PIGN: variants seen among roughly 807,000 people sequenced by gnomAD.
PIGN encodes the protein GPI ethanolamine phosphate transferase 1.
Under a neutral mutation model 125.4 loss-of-function variants are expected in PIGN, and 117 were observed. The observed-to-expected ratio is 0.93, with a 90% CI of 0.80 to 1.09. The LOEUF is 1.09. PIGN is among the 50% of genes least tolerant of loss of function. The probability of loss-of-function intolerance (pLI) is 0.00; values close to 1 mark genes in which losing one functional copy is unlikely to be tolerated. For missense variants in PIGN, 1,075 were observed against 1,094.9 expected (o/e 0.98, Z 0.26); for synonymous variants, 392 against 377.8 (o/e 1.04, Z -0.44).
At chr18:62,117,200 G>T (rs76795556) in intron 14 of PIGN, among the ~76,000 whole-genome samples, 3 of 151,788 alleles carry the variant, frequency 2.0e-5, no homozygotes, top group Non-Finnish European at 4.4e-5. Context: ...CCAAATATAC[G>T]TTTTATTTTT....
chr18:62,134,675 T>C (rs972710381), intron 14 of PIGN, among the ~76,000 whole-genome samples: 2 of 152,212 alleles, frequency 1.3e-5, no homozygotes, highest in Non-Finnish European at 2.9e-5. Context: ...ATTTAAATAC[T>C]GTCCACTGAA....
intron 25 of PIGN, among the ~76,000 whole-genome samples, chr18:62,087,721 G>T (rs1211106701): frequency 2.0e-5 from 3 of 152,152 alleles, no homozygotes; most frequent in Non-Finnish European, 2.9e-5. Flanking sequence ...TCAGCTCAAA[G>T]AAAATGCCTC....
intron 28 of PIGN, among the ~76,000 whole-genome samples, chr18:62,078,643 G>A (rs145896725): frequency 6.6e-6 from 1 of 152,242 alleles, no homozygotes; most frequent in East Asian, 1.9e-4. Flanking sequence ...GAAGGATAGG[G>A]TTATCATTCC....
intron 6 of PIGN, among the ~76,000 whole-genome samples, chr18:62,156,321 T>A (rs1011348833): frequency 6.6e-6 from 1 of 152,162 alleles, no homozygotes; most frequent in Admixed American, 6.6e-5. Context: ...TATAACTATA[T>A]ATTTTAACAC....
At chr18:62,133,238 T>A (rs934567783) in intron 14 of PIGN, among the ~76,000 whole-genome samples, 1 of 152,220 alleles carries the variant, frequency 6.6e-6, no homozygotes, top group Non-Finnish European at 1.5e-5. Flanking sequence ...ATTTTGCACT[T>A]ACATTATTTG....
chr18:62,077,572 A>T (rs367701699), intron 28 of PIGN, among the ~76,000 whole-genome samples: 3 of 152,282 alleles, frequency 2.0e-5, no homozygotes, highest in South Asian at 4.1e-4. Flanking sequence ...CAGTTTCCTT[A>T]TCTATAAAAT....
intron 1 of PIGN, among the ~76,000 whole-genome samples, chr18:62,173,237 G>A (rs923065437): frequency 6.6e-5 from 10 of 152,138 alleles, no homozygotes; most frequent in African/African-American, 1.9e-4. Context: ...ATTTTAAAAC[G>A]CAACTTGGTG....
rs759877553 is a variant in PIGN, at chr18:62,113,220, C to T, written c.1348G>A (p.Gly450Ser). ...GCATAAGATATCCATCCCACAAAAC[C>T]AATAACAACATTGACGCCCAAAAAG... ...RFFLGVNVVIGFVGWISYASL... is the reference protein window; with the variant it reads ...RFFLGVNVVISFVGWISYASL... Residue 450 changes from glycine (G) to serine (S), a missense_variant, in exon 16 of 31, where the codon GGT (glycine) becomes AGT (serine). Gly to Ser is a moderately conservative substitution (Grantham distance 56). Transcript: ENST00000640252. The T allele has an allele frequency of 6.2e-7, 1 of 1,612,822 alleles. No homozygotes were observed. The highest frequency in any genetic ancestry group is 1.7e-5 in the Admixed American group (1 of 59,954).
chr18:62,082,613 G>T, intron 28 of PIGN, 60 bp downstream of exon 28: 1 of 874,422 alleles, frequency 1.1e-6, no homozygotes, highest in Non-Finnish European at 1.9e-6. Flanking sequence ...GTCTTCGAAA[G>T]TTTACTCTCA....
Position 62,041,671 on chromosome 18 carries a change from GTGT to G in PIGN, c.*4182_*4184del, listed in dbSNP as rs1568107138. 2 of 146,988 alleles carry G rather than the reference GTGT, an allele frequency of 1.4e-5. No homozygotes were observed. Among genetic ancestry groups the G allele is most frequent in the African/African-American group, 5.2e-5 (2 of 38,676 alleles). The allele number at this position is 146,988 out of a possible 1,614,324, so 9.1% of individuals were successfully genotyped here. A position where few individuals can be genotyped will look rare whatever the true frequency, so the allele number is the denominator to read the frequency against. On this transcript the variant is annotated 3_prime_UTR_variant, in exon 31 of 31. Coordinates refer to ENST00000640252, the MANE Select transcript of PIGN (RefSeq NM_176787.5). ...TGTGTGTGTGTGTGTGTGTGTGTGT[GTGT>G]GTGTGTGTGTGTGTGTGTGTGTGTG... is the stretch of plus-strand genomic sequence containing the variant.
chr18:62,028,473 T>C (rs1443869486), intron 23 of PIGN, among the ~76,000 whole-genome samples: 4 of 152,328 alleles, frequency 2.6e-5, no homozygotes, highest in Middle Eastern at 3.4e-3. Context: ...GAAATGCCAT[T>C]ATTTGGTATG....
Position 62,146,052 on chromosome 18 carries a change from A to C in PIGN, c.806-27T>G, listed in dbSNP as rs770008872. 1.0e-5 allele frequency: 10 copies of C among 991,636 alleles called. No individual in the cohort carries two copies. In the South Asian group the frequency reaches 1.7e-4, roughly 17 times the overall value. The allele number at this position is 991,636 out of a possible 1,614,324, so 61.4% of individuals were successfully genotyped here. A position where few individuals can be genotyped will look rare whatever the true frequency, so the allele number is the denominator to read the frequency against. ...TACAAATAAGATATAAAGAATAATA[A>C]GACAAATATAGAAGAACTAACTTAC... is the stretch of plus-strand genomic sequence containing the variant. On this transcript the variant is annotated intron_variant, in intron 9 of 30. Coordinates refer to ENST00000640252, the MANE Select transcript of PIGN (RefSeq NM_176787.5).
chr18:62,118,806 A>C (rs1445138790), intron 14 of PIGN: 1 of 151,876 alleles, frequency 6.6e-6, no homozygotes, highest in Non-Finnish European at 1.5e-5. Flanking sequence ...TTTTATAAGA[A>C]AGAAATATTA....
chr18:62,108,818 C>T (rs1402195045), intron 17 of PIGN, among the ~76,000 whole-genome samples: 1 of 152,280 alleles, frequency 6.6e-6, no homozygotes, highest in Middle Eastern at 3.4e-3. Flanking sequence ...GAACTCCTGA[C>T]CTCAAGTGAT....
intron 14 of PIGN, among the ~76,000 whole-genome samples, chr18:62,121,202 TC>T (rs1467653015): frequency 1.3e-5 from 2 of 152,186 alleles, no homozygotes; most frequent in Non-Finnish European, 2.9e-5. Flanking sequence ...CAGGGATATT[TC>T]TGAAGAAGAA....
At chr18:62,141,953 T>C (rs375658272) in intron 11 of PIGN, among the ~76,000 whole-genome samples, 6 of 152,206 alleles carry the variant, frequency 3.9e-5, no homozygotes, top group African/African-American at 1.4e-4. Flanking sequence ...CCTACTGCCT[T>C]GGCCTGCTAA....
chr18:62,132,268 T>A (rs1240248196), intron 14 of PIGN, among the ~76,000 whole-genome samples: 1 of 152,200 alleles, frequency 6.6e-6, no homozygotes, highest in African/African-American at 2.4e-5. Flanking sequence ...GGGTCGATGG[T>A]ACTCAGTAAA....
At chr18:62,158,033 T>C (rs1004049317) in intron 4 of PIGN, 5 of 444,622 alleles carry the variant, frequency 1.1e-5, no homozygotes, top group African/African-American at 9.8e-5. Flanking sequence ...CAAAGAACCA[T>C]TCAACCACTG....
intron 1 of PIGN, among the ~76,000 whole-genome samples, chr18:62,169,553 C>T (rs1169261341): frequency 2.6e-5 from 4 of 151,990 alleles, no homozygotes; most frequent in African/African-American, 9.7e-5. Context: ...GCGTGAGTCA[C>T]TGCTTTCATT....
Sources: gnomAD v4.1 joint callset for allele counts (sites outside exome capture counted in the v4.1 genomes callset) on GRCh38, gnomAD v4.1.1 for gene constraint, MANE v1.5 for transcripts, NCBI Gene and HGNC (gene_info 2026-07-23, HGNC 2026-07-21) for gene names.